DNAJB6: variants seen among roughly 807,000 people sequenced by gnomAD.
DNAJB6 encodes DnaJ heat shock protein family (Hsp40) member B6.
Under a neutral mutation model 42.7 loss-of-function variants are expected in DNAJB6, and 16 were observed. The ratio of observed to expected loss-of-function variants is 0.37; its 90% CI spans 0.25 to 0.57. The LOEUF is 0.57. Among genes scored for constraint, DNAJB6 ranks in the 20% least tolerant of loss-of-function variants. The pLI is 0.74. For missense variants in DNAJB6, 347 were observed against 416.8 expected, an observed-to-expected ratio of 0.83 and a Z score of 1.46; for synonymous variants, 170 against 163.5, an observed-to-expected ratio of 1.04 and a Z score of -0.30.
At chr7:157,406,000 A>T (rs946302696) in intron 8 of DNAJB6, among the ~76,000 whole-genome samples, 1 of 152,214 alleles carries the variant, frequency 6.6e-6, no homozygotes, top group Non-Finnish European at 1.5e-5. Context: ...AGCCTCCAGC[A>T]GTGCCGGGCG....
intron 5 of DNAJB6, chr7:157,369,108 C>T (rs531651153): frequency 1.4e-5 from 5 of 365,780 alleles, no homozygotes; most frequent in African/African-American, 8.5e-5. Context: ...GAAACTGAAG[C>T]TGAGCAGGCG....
At chr7:157,406,072 A>G (rs1332870642) in intron 8 of DNAJB6, among the ~76,000 whole-genome samples, 2 of 152,192 alleles carry the variant, frequency 1.3e-5, no homozygotes, top group South Asian at 2.1e-4. Context: ...AGATAGAACC[A>G]TCGAGGCCGA....
At chr7:157,387,562 C>T (rs1801131888) in intron 8 of DNAJB6, among the ~76,000 whole-genome samples, 1 of 152,126 alleles carries the variant, frequency 6.6e-6, no homozygotes, top group South Asian at 2.1e-4. Flanking sequence ...TTGAGACATC[C>T]AGGGATGTCC....
chr7:157,385,151 CATTA>C (rs1563139021), intron 7 of DNAJB6, 143 bp downstream of exon 7: 2 of 852,494 alleles, frequency 2.3e-6, no homozygotes, highest in East Asian at 5.5e-5. Context: ...TCTCCAAATT[CATTA>C]ATTAAAGCCT....
At chr7:157,353,051 C>T (rs1197238621) in intron 1 of DNAJB6, among the ~76,000 whole-genome samples, 1 of 151,874 alleles carries the variant, frequency 6.6e-6, no homozygotes, top group African/African-American at 2.4e-5. Context: ...CCCACATTCT[C>T]GTTAAGGTCA....
chr7:157,349,283 T>G (rs1798849946), intron 1 of DNAJB6, among the ~76,000 whole-genome samples: 1 of 152,174 alleles, frequency 6.6e-6, no homozygotes, highest in Non-Finnish European at 1.5e-5. Flanking sequence ...GTTTGTATGA[T>G]TAAATTCAAT....
At chr7:157,347,452 C>T (rs990189412) in intron 1 of DNAJB6, among the ~76,000 whole-genome samples, 2 of 152,230 alleles carry the variant, frequency 1.3e-5, no homozygotes, top group Non-Finnish European at 2.9e-5. Flanking sequence ...AGCCATCCTC[C>T]TGCCTCAGCC....
chr7:157,380,602 TCA>T (rs1209531340), intron 5 of DNAJB6: 1 of 152,498 alleles, frequency 6.6e-6, no homozygotes, highest in African/African-American at 2.4e-5. Flanking sequence ...GGTCTCCACC[TCA>T]CACGCTGGTT....
In DNAJB6 at chr7:157,403,004, C is replaced by T. The variant is rs557904658; in HGVS notation, c.692-6791C>T. Among the ~76,000 whole-genome samples, 155 of 152,302 alleles carry T rather than the reference C, an allele frequency of 1.0e-3. 1 individual carries two copies. Among genetic ancestry groups the T allele is most frequent in the Non-Finnish European group, 1.3e-3 (86 of 68,032 alleles). On this transcript the variant is annotated intron_variant, in intron 8 of 9. Coordinates refer to ENST00000262177, the MANE Select transcript of DNAJB6 (RefSeq NM_058246.4). ...GTGACACAGCCTCAGGAGGCCCTGA[C>T]GACAGGTGCCCGAGGTGGTCGGGGC...
At chr7:157,402,670 G>A (rs1451246211) in intron 8 of DNAJB6, among the ~76,000 whole-genome samples, 2 of 152,356 alleles carry the variant, frequency 1.3e-5, no homozygotes, top group Admixed American at 1.3e-4. Flanking sequence ...TCTTGGGGAC[G>A]TAGGCCCCAG....
chr7:157,360,944 T>C (rs1799553290), intron 2 of DNAJB6, among the ~76,000 whole-genome samples: 1 of 152,242 alleles, frequency 6.6e-6, no homozygotes, highest in African/African-American at 2.4e-5. Flanking sequence ...CGTGTTGTAT[T>C]ACACCTTGAT....
intron 8 of DNAJB6, among the ~76,000 whole-genome samples, chr7:157,399,525 T>C (rs1801747777): frequency 6.6e-6 from 1 of 152,190 alleles, no homozygotes; most frequent in Admixed American, 6.5e-5. Context: ...GCGGCACAGG[T>C]TTGCGGCCTA....
At chr7:157,381,023 A>T (rs1800739914) in intron 5 of DNAJB6, 1 of 151,520 alleles carries the variant, frequency 6.6e-6, no homozygotes, top group South Asian at 2.1e-4. Context: ...GTAGAGACAA[A>T]GTCTTGCTGT....
rs140269283 is a variant in DNAJB6, at chr7:157,402,649, G to A, written c.692-7146G>A. ...GAGGGCTGTGGGAGTGGCAGGAGAA[G>A]TAGCGATGTGTCTTGGGGACGTAGG... On this transcript the variant is annotated intron_variant, in intron 8 of 9. Coordinates refer to ENST00000262177, the MANE Select transcript of DNAJB6 (RefSeq NM_058246.4). 8.7e-3 allele frequency among the ~76,000 whole-genome samples: 1,321 copies of A among 152,358 alleles called. 6 individuals carry two copies. The highest frequency in any genetic ancestry group is 0.048 in the Middle Eastern group (14 of 294).
At chr7:157,411,923 T>G (rs940283870) in intron 9 of DNAJB6, 3 of 152,246 alleles carry the variant, frequency 2.0e-5, no homozygotes, top group African/African-American at 7.2e-5. Context: ...GGTTGACTGC[T>G]GAATCCCAAC....
chr7:157,389,549 T>TG (rs1801237946), intron 8 of DNAJB6, among the ~76,000 whole-genome samples: 1 of 152,244 alleles, frequency 6.6e-6, no homozygotes, highest in Non-Finnish European at 1.5e-5. Flanking sequence ...TCTTACCCTT[T>TG]GGGGTCTTGA....
chr7:157,384,030 T>C (rs1031575834), intron 6 of DNAJB6, among the ~76,000 whole-genome samples: 1 of 152,220 alleles, frequency 6.6e-6, no homozygotes, highest in African/African-American at 2.4e-5. Context: ...CCCTAGACAG[T>C]ATCTGCGCTT....
chr7:157,371,534 C>T (rs1239799622), intron 5 of DNAJB6, among the ~76,000 whole-genome samples: 2 of 152,228 alleles, frequency 1.3e-5, no homozygotes, highest in Non-Finnish European at 2.9e-5. Context: ...AGAAGAAGCC[C>T]TCCCAGGAGA....
chr7:157,370,209 G>GAGGCCCTTTCTTCACATTATTATTAAAC (rs1563129122), intron 5 of DNAJB6, among the ~76,000 whole-genome samples: 1 of 100,292 alleles, frequency 1.0e-5, no homozygotes, highest in South Asian at 3.0e-4. Context: ...TATTATTAAA[G>GAGGCCCTTTCTTCACATTATTATTAAAC]AGGCCCTTTC....
Sources: gnomAD v4.1 joint callset for allele counts (sites outside exome capture counted in the v4.1 genomes callset) on GRCh38, gnomAD v4.1.1 for gene constraint, MANE v1.5 for transcripts, NCBI Gene and HGNC (gene_info 2026-07-23, HGNC 2026-07-21) for gene names.